Variants in CACNA1D observed in about 807,000 individuals in gnomAD.
CACNA1D encodes voltage-dependent L-type calcium channel subunit alpha-1D.
Under a neutral mutation model 257.1 loss-of-function variants are expected in CACNA1D, and 55 were observed. The observed-to-expected ratio is 0.21, with a 90% CI of 0.17 to 0.27. The LOEUF (loss-of-function observed/expected upper bound fraction) is 0.27, where lower values mean the gene tolerates loss of function less well. CACNA1D is among the 10% of genes least tolerant of loss of function. The probability of loss-of-function intolerance (pLI) is 1.00; values close to 1 mark genes in which losing one functional copy is unlikely to be tolerated. For missense variants in CACNA1D, 1,876 were observed against 2,784.0 expected (o/e 0.67, Z 7.34); for synonymous variants, 980 against 1,014.9 (o/e 0.97, Z 0.65).
At chr3:53,579,598 T>C (rs543898548) in intron 3 of CACNA1D, among the ~76,000 whole-genome samples, 1 of 152,340 alleles carries the variant, frequency 6.6e-6, no homozygotes, top group South Asian at 2.1e-4. Context: ...CTTGTTCACA[T>C]AGAAATGAAC....
At chr3:53,624,449 C>A (rs1322544388) in intron 3 of CACNA1D, among the ~76,000 whole-genome samples, 1 of 152,212 alleles carries the variant, frequency 6.6e-6, no homozygotes, top group Non-Finnish European at 1.5e-5. Context: ...GTTGGCTCTG[C>A]CTGCCTTTGC....
chr3:53,670,103 C>T (rs141336732), intron 7 of CACNA1D, among the ~76,000 whole-genome samples: 9 of 152,280 alleles, frequency 5.9e-5, no homozygotes, highest in African/African-American at 1.4e-4. Flanking sequence ...CACACTCCTA[C>T]GGAGGTGCTG....
chr3:53,602,381 G>A (rs915050981), intron 3 of CACNA1D, among the ~76,000 whole-genome samples: 1 of 152,116 alleles, frequency 6.6e-6, no homozygotes, highest in Non-Finnish European at 1.5e-5. Flanking sequence ...ACTTGATTCT[G>A]TATTTGACTC....
chr3:53,534,646 A>G (rs1350920303), intron 3 of CACNA1D, among the ~76,000 whole-genome samples: 2 of 151,802 alleles, frequency 1.3e-5, no homozygotes, highest in African/African-American at 4.8e-5. Flanking sequence ...TTCCCACCCC[A>G]TTCTGCCCCT....
At chr3:53,753,713 G>T in intron 29 of CACNA1D, 31 bp downstream of exon 29, 1 of 1,310,644 alleles carries the variant, frequency 7.6e-7, no homozygotes. Flanking sequence ...TTCAAAGGTT[G>T]TTGCTGAGTC....
intron 21 of CACNA1D, chr3:53,740,593 G>T: frequency 2.3e-6 from 1 of 439,528 alleles, no homozygotes. Context: ...TCGTGGTTGA[G>T]CTAAGTTTTT....
intron 3 of CACNA1D, among the ~76,000 whole-genome samples, chr3:53,511,943 A>G (rs1041191224): frequency 6.6e-6 from 1 of 152,216 alleles, no homozygotes; most frequent in African/African-American, 2.4e-5. Flanking sequence ...TAAATGACCA[A>G]TATTTTTAAA....
rs2095134604 is a variant in CACNA1D at position 53,743,246 on chromosome 3, G to T, written c.2918+129G>T. 3 of 675,932 alleles carry T rather than the reference G, an allele frequency of 4.4e-6. No homozygotes were observed. The South Asian group carries it at 5.4e-5, about 12-fold the overall frequency. 41.9% of individuals were successfully genotyped at this position (675,932 alleles called of 1,614,324 possible). On this transcript the variant is annotated intron_variant, in intron 22 of 47. Transcript: ENST00000350061. ...TTAGTTATATAGGTTTATTTAATTTGCTCCCATTCCAGAAAGATTTAAACA... is the reference window on the plus strand; with the variant it reads ...TTAGTTATATAGGTTTATTTAATTTTCTCCCATTCCAGAAAGATTTAAACA...
chr3:53,496,550 C>A (rs1372552613), intron 1 of CACNA1D, among the ~76,000 whole-genome samples: 1 of 152,170 alleles, frequency 6.6e-6, no homozygotes, highest in Non-Finnish European at 1.5e-5. Flanking sequence ...TTTTCATTTG[C>A]AGGAAGTGTC....
chr3:53,618,332 G>A (rs2093659350), intron 3 of CACNA1D, among the ~76,000 whole-genome samples: 1 of 152,202 alleles, frequency 6.6e-6, no homozygotes, highest in Non-Finnish European at 1.5e-5. Flanking sequence ...GTCTGGCTGG[G>A]CTCTGCAGGA....
intron 21 of CACNA1D, 58 bp from the exon 22 acceptor site, chr3:53,742,953 C>T: frequency 9.2e-7 from 1 of 1,086,820 alleles, no homozygotes; most frequent in Non-Finnish European, 1.4e-6. Context: ...GCAAAGAGCC[C>T]AGGTTTCTTT....
chr3:53,682,385 A>AAAC (rs1559509310), intron 8 of CACNA1D, among the ~76,000 whole-genome samples: 1 of 147,868 alleles, frequency 6.8e-6, no homozygotes, highest in Non-Finnish European at 1.5e-5. Flanking sequence ...AAAAAAAAAA[A>AAAC]AAAAAAAAAA....
chr3:53,686,910 C>A (rs1398260711), intron 8 of CACNA1D, among the ~76,000 whole-genome samples: 2 of 151,972 alleles, frequency 1.3e-5, no homozygotes, highest in African/African-American at 4.8e-5. Flanking sequence ...AACCAAAAAC[C>A]TGCTAGAATT....
intron 2 of CACNA1D, 57 bp from the exon 3 acceptor site, chr3:53,501,558 A>C (rs1449073948): frequency 2.2e-6 from 2 of 901,414 alleles, no homozygotes; most frequent in Non-Finnish European, 3.7e-6. Context: ...CGGGAGTGTG[A>C]TGAGGGACAT....
At chr3:53,541,320 G>A in intron 3 of CACNA1D, among the ~76,000 whole-genome samples, 1 of 152,134 alleles carries the variant, frequency 6.6e-6, no homozygotes, top group East Asian at 1.9e-4. Flanking sequence ...GTAATTTTTT[G>A]TTAGGTCTAA....
At chr3:53,614,633 A>T (rs1314424088) in intron 3 of CACNA1D, among the ~76,000 whole-genome samples, 1 of 152,236 alleles carries the variant, frequency 6.6e-6, no homozygotes, top group South Asian at 2.1e-4. Context: ...TAAGGCCCAC[A>T]TTCGTTTCAC....
At chr3:53,511,188 T>A (rs919915944) in intron 3 of CACNA1D, among the ~76,000 whole-genome samples, 1 of 152,138 alleles carries the variant, frequency 6.6e-6, no homozygotes, top group East Asian at 1.9e-4. Flanking sequence ...GTGTTTAGGG[T>A]TTGTGCCCTT....
intron 7 of CACNA1D, among the ~76,000 whole-genome samples, chr3:53,671,657 A>G (rs967584591): frequency 8.5e-5 from 13 of 152,190 alleles, no homozygotes; most frequent in East Asian, 3.9e-4. Flanking sequence ...AAGCACATCA[A>G]TTTTCATGTG....
At position 53,735,511 on chromosome 3, in the gene CACNA1D, C is replaced by G. The variant is rs768641306; in HGVS notation, c.2751+8C>G. 1.9e-6 allele frequency: 3 copies of G among 1,613,924 alleles called. No homozygotes were observed. Among genetic ancestry groups the G allele is most frequent in the South Asian group, 2.2e-5 (2 of 91,080 alleles). ...CACTCCTTCCGGAACACGGTAAGTC[C>G]CCAGGGTGGGGCTCGCTCTGGGATA... On this transcript the variant is annotated splice_region_variant and intron_variant, in intron 20 of 47. Coordinates refer to ENST00000350061, the MANE Select transcript of CACNA1D (RefSeq NM_001128840.3).
Sources: gnomAD v4.1 joint callset for allele counts (sites outside exome capture counted in the v4.1 genomes callset) on GRCh38, gnomAD v4.1.1 for gene constraint, MANE v1.5 for transcripts, NCBI Gene and HGNC (gene_info 2026-07-23, HGNC 2026-07-21) for gene names.